ABCA12: variants seen among roughly 807,000 people sequenced by gnomAD.
ABCA12 encodes the protein glucosylceramide transporter ABCA12.
In ABCA12, 156 loss-of-function variants were observed where a neutral mutation model predicts 293.5. That is an observed-to-expected ratio of 0.53 (90% CI 0.47 to 0.61). The LOEUF is 0.61. Ranked by LOEUF, ABCA12 falls within the 20% of genes least tolerant of loss-of-function variation. The pLI is 0.00. For synonymous variants in ABCA12, 1,063 were observed against 1,108.0 expected (o/e 0.96, Z 0.81); for missense variants, 2,797 against 3,090.2 (o/e 0.91, Z 2.25).
chr2:215,033,282 G>A (rs1700918211), intron 8 of ABCA12, among the ~76,000 whole-genome samples: 1 of 152,136 alleles, frequency 6.6e-6, no homozygotes, highest in South Asian at 2.1e-4. Flanking sequence ...AAAACCTGTT[G>A]AGATTTATGC....
chr2:214,991,082 T>C, intron 23 of ABCA12, 51 bp from the exon 24 acceptor site: 1 of 1,509,406 alleles, frequency 6.6e-7, no homozygotes, highest in Non-Finnish European at 9.2e-7. Flanking sequence ...TTCTTCCAAA[T>C]AAAAATTATT....
intron 51 of ABCA12, among the ~76,000 whole-genome samples, chr2:214,937,257 G>A (rs917422212): frequency 6.6e-6 from 1 of 152,146 alleles, no homozygotes; most frequent in Non-Finnish European, 1.5e-5. Flanking sequence ...GGAGTGCAGT[G>A]GCATGATCTT....
At chr2:214,961,493 G>C (rs1180235171) in intron 39 of ABCA12, among the ~76,000 whole-genome samples, 2 of 152,124 alleles carry the variant, frequency 1.3e-5, no homozygotes, top group Non-Finnish European at 2.9e-5. Flanking sequence ...AAGGAAGCCA[G>C]AATACAGGTT....
chr2:214,965,955 A>G (rs1699247631), intron 39 of ABCA12, among the ~76,000 whole-genome samples: 2 of 152,232 alleles, frequency 1.3e-5, no homozygotes, highest in Non-Finnish European at 2.9e-5. Context: ...CTGCAGTACT[A>G]TTCACAATAG....
chr2:215,132,198 G>A (rs903624656), intron 1 of ABCA12, among the ~76,000 whole-genome samples: 2 of 152,028 alleles, frequency 1.3e-5, no homozygotes, highest in Non-Finnish European at 1.5e-5. Context: ...CAGATGAGAA[G>A]AATGTATATT....
At chr2:215,049,229 T>C (rs1027569947) in intron 6 of ABCA12, among the ~76,000 whole-genome samples, 1 of 152,112 alleles carries the variant, frequency 6.6e-6, no homozygotes, top group Non-Finnish European at 1.5e-5. Context: ...GTGAGAAAAA[T>C]AAAAAGATTT....
At chr2:214,975,029 C>T (rs1388400023) in intron 34 of ABCA12, among the ~76,000 whole-genome samples, 165 bp from the exon 35 acceptor site, 1 of 152,166 alleles carries the variant, frequency 6.6e-6, no homozygotes, top group African/African-American at 2.4e-5. Flanking sequence ...GTAGTGCAAT[C>T]ACACGGCTCA....
intron 2 of ABCA12, among the ~76,000 whole-genome samples, chr2:215,080,326 C>G (rs1388479458): frequency 6.6e-6 from 1 of 151,978 alleles, no homozygotes; most frequent in African/African-American, 2.4e-5. Context: ...AGTGAGATAT[C>G]ATATCTACCA....
chr2:214,958,369 C>T lies in ABCA12; in HGVS notation c.6025G>A (p.Val2009Ile), dbSNP rs751692199. ...VTTASFVTYV[V>I]REHQTKAKQL... is the part of the protein sequence containing the mutation. ...TTGGCTTTGGTTTGATGTTCCCTTA[C>T]AACATAGGTGACAAAGCTGGCGGTG... is the stretch of plus-strand genomic sequence containing the variant. Residue 2009 changes from valine (V) to isoleucine (I), a missense_variant, in exon 41 of 53, where the codon GTA (valine) becomes ATA (isoleucine). This residue lies in a region of ABCA12 where 2,130 missense variants were observed against 2,427.0 expected (regional missense o/e 0.88). Transcript: ENST00000272895. The T allele has an allele frequency of 3.1e-6, 5 of 1,613,990 alleles. No homozygotes were observed. In the South Asian group the frequency reaches 4.4e-5, roughly 14 times the overall value.
intron 2 of ABCA12, among the ~76,000 whole-genome samples, chr2:215,068,992 C>G (rs899943385): frequency 6.6e-6 from 1 of 152,128 alleles, no homozygotes; most frequent in Non-Finnish European, 1.5e-5. Context: ...CAGAAATATT[C>G]TGTAGGCTGC....
At chr2:214,970,223 A>G in intron 37 of ABCA12, 50 bp downstream of exon 37, 1 of 1,562,672 alleles carries the variant, frequency 6.4e-7, no homozygotes, top group Non-Finnish European at 8.7e-7. Context: ...GAAGGCAGCT[A>G]CCATTAAAAT....
At position 214,951,034 on chromosome 2, in the gene ABCA12, C is replaced by T; in HGVS notation, c.6697G>A (p.Glu2233Lys). ...CTCTCAGCCCGCACATCTTCATCCT[C>T]ATCTATTGTCTCCCTTACATGTGAA... ...NSSHVRETID[E>K]DEDVRAERLR... The change falls in exon 45 of 53, where the codon GAG becomes AAG. Residue 2233 changes from glutamate (E) to lysine (K), a missense_variant. By Grantham distance (56) the Glu-to-Lys change is moderately conservative. Around this residue, in one of 3 missense-constraint regions of ABCA12, gnomAD observed 2,130 missense variants for 2,427.0 expected, o/e 0.88. Coordinates refer to ENST00000272895, the MANE Select transcript of ABCA12 (RefSeq NM_173076.3). 3 of 1,614,152 alleles carry T rather than the reference C, an allele frequency of 1.9e-6. No homozygotes were observed. Among genetic ancestry groups the T allele is most frequent in the Non-Finnish European group, 8.5e-7 (1 of 1,180,020 alleles).
At chr2:214,942,878 G>C (rs556448774) in intron 50 of ABCA12, 47 bp downstream of exon 50, 7 of 1,509,290 alleles carry the variant, frequency 4.6e-6, no homozygotes, top group African/African-American at 2.8e-5. Context: ...AGCACCATTA[G>C]ATAGATGACC....
intron 26 of ABCA12, 83 bp downstream of exon 26, chr2:214,989,246 A>G (rs1184100508): frequency 2.8e-6 from 3 of 1,063,544 alleles, no homozygotes; most frequent in Admixed American, 9.8e-5. Context: ...TTTTTTGCAA[A>G]TAAAATATTA....
At chr2:215,009,158 G>A (rs1298509676) in intron 18 of ABCA12, among the ~76,000 whole-genome samples, 1 of 152,122 alleles carries the variant, frequency 6.6e-6, no homozygotes, top group East Asian at 1.9e-4. Context: ...AAAAGAATGA[G>A]AGCATGCCCT....
chr2:215,081,943 T>C (rs947441531), intron 2 of ABCA12, among the ~76,000 whole-genome samples: 1 of 152,152 alleles, frequency 6.6e-6, no homozygotes, highest in African/African-American at 2.4e-5. Flanking sequence ...ATTATTCTTA[T>C]TAATAGTGTT....
chr2:215,052,629 A>C, intron 4 of ABCA12, 45 bp from the exon 5 acceptor site: 2 of 1,464,854 alleles, frequency 1.4e-6, no homozygotes, highest in South Asian at 2.3e-5. Flanking sequence ...ACACACACAC[A>C]CAAATGCACA....
At chr2:214,953,309 A>G (rs1251167919) in intron 44 of ABCA12, among the ~76,000 whole-genome samples, 4 of 152,222 alleles carry the variant, frequency 2.6e-5, no homozygotes, top group African/African-American at 9.6e-5. Flanking sequence ...AATGGTTACC[A>G]TGATGAATAA....
chr2:214,944,490 G>T (rs2105919550), intron 49 of ABCA12, among the ~76,000 whole-genome samples: 1 of 152,100 alleles, frequency 6.6e-6, no homozygotes, highest in East Asian at 1.9e-4. Flanking sequence ...ATGGGAAAGG[G>T]TATGGAGATG....
Sources: allele counts gnomAD v4.1 joint callset (sites outside exome capture counted in the v4.1 genomes callset), GRCh38; gene constraint gnomAD v4.1.1; regional missense constraint gnomAD v4.1.1; transcripts MANE v1.5; gene names NCBI Gene and HGNC (gene_info 2026-07-23, HGNC 2026-07-21).